The following TRHDE variants were observed in gnomAD, a reference collection of about 807,000 sequenced individuals.
The protein encoded by TRHDE is thyrotropin-releasing hormone-degrading ectoenzyme.
Under a neutral mutation model 125.7 loss-of-function variants are expected in TRHDE, and 72 were observed. The observed-to-expected ratio is 0.57, with a 90% CI of 0.47 to 0.70. The LOEUF (loss-of-function observed/expected upper bound fraction) is 0.70. Among genes scored for constraint, TRHDE ranks in the 30% least tolerant of loss-of-function variants. The pLI, the probability that TRHDE is intolerant of heterozygous loss-of-function variation, is 0.00. For missense variants in TRHDE, 1,110 were observed against 1,327.1 expected (o/e 0.84, Z 2.54); for synonymous variants, 509 against 509.1 (o/e 1.00, Z 0.00).
At chr12:72,227,535 C>T (rs948173558) in intron 2 of TRHDE, among the ~76,000 whole-genome samples, 1 of 152,186 alleles carries the variant, frequency 6.6e-6, no homozygotes, top group Non-Finnish European at 1.5e-5. Context: ...TATGGGGGGA[C>T]ACAGCCAAAC....
chr12:72,413,635 G>A (rs1003998341), intron 3 of TRHDE, among the ~76,000 whole-genome samples: 6 of 151,770 alleles, frequency 4.0e-5, no homozygotes, highest in South Asian at 2.1e-4. Flanking sequence ...AGATAAAAAC[G>A]AGTCCCAAAT....
rs970120680 is a variant in TRHDE at position 72,273,045 on chromosome 12, C to T, written c.402C>T (p.Asn134=). Residue 134 remains asparagine, a synonymous_variant, in exon 1 of 19, where the codon AAC becomes AAT. Coordinates refer to ENST00000261180, the MANE Select transcript of TRHDE (RefSeq NM_013381.3). This position sits in a 1 kb window ranked among gnomAD's most constrained non-coding sequence, Gnocchi z 5.3. The part of the protein sequence containing the change: ...GPSGFPERGG[N]GSLPGSARRN... ...CAGGCTTTCCGGAGCGCGGCGGCAA[C>T]GGGAGCCTCCCTGGATCGGCCCGGC... 1.3e-6 allele frequency: 2 copies of T among 1,536,780 alleles called. No individual in the cohort carries two copies.
intron 3 of TRHDE, among the ~76,000 whole-genome samples, chr12:72,415,624 G>A (rs1873700046): frequency 6.7e-6 from 1 of 149,426 alleles, no homozygotes; most frequent in Non-Finnish European, 1.5e-5. Flanking sequence ...TCCCACATAT[G>A]AGTGAGAACA....
chr12:72,224,158 G>GTATCTATC (rs1162467537), intron 2 of TRHDE, among the ~76,000 whole-genome samples: 46 of 24,666 alleles, frequency 1.9e-3, no homozygotes, highest in African/African-American at 5.8e-3. Flanking sequence ...ATGTATGTAT[G>GTATCTATC]TATGTATGTA....
chr12:72,413,066 A>T (rs1873579036), intron 3 of TRHDE, among the ~76,000 whole-genome samples: 1 of 152,022 alleles, frequency 6.6e-6, no homozygotes. Flanking sequence ...ACATATCATT[A>T]TTTTTAAGAT....
At chr12:72,655,347 C>T (rs140188790) in intron 17 of TRHDE, among the ~76,000 whole-genome samples, 2 of 152,282 alleles carry the variant, frequency 1.3e-5, no homozygotes, top group East Asian at 3.9e-4. Context: ...GTGCTGGGAT[C>T]ACAGGCGTGA....
intron 5 of TRHDE, among the ~76,000 whole-genome samples, chr12:72,495,186 AT>A (rs367842494): frequency 3.3e-5 from 5 of 149,716 alleles, no homozygotes; most frequent in African/African-American, 7.4e-5. Flanking sequence ...CATTGGTTGA[AT>A]TTTTTTCATT....
rs1156787815 is a variant in TRHDE at position 72,653,036 on chromosome 12, A to G, written c.2864A>G (p.Asn955Ser). ...LLNRLLNLSL[N>S]SEVVLDQDAI... is the part of the protein sequence containing the mutation. ...TGAAGGCTTCTAAATCTGTCACTGAATTCTGAGGTGGTGCTGGATCAAGAT... is the reference window on the plus strand; with the variant it reads ...TGAAGGCTTCTAAATCTGTCACTGAGTTCTGAGGTGGTGCTGGATCAAGAT... The change falls in exon 17 of 19, where the codon AAT becomes AGT. Residue 955 changes from asparagine (N) to serine (S), a missense_variant. By Grantham distance (46) the Asn-to-Ser change is conservative. This residue lies in a region of TRHDE where 527 missense variants were observed against 651.8 expected (regional missense o/e 0.81). Coordinates refer to ENST00000261180, the MANE Select transcript of TRHDE (RefSeq NM_013381.3). The G allele has an allele frequency of 6.2e-7, 1 of 1,607,134 alleles. No homozygotes were observed. The highest frequency in any genetic ancestry group is 2.2e-5 in the East Asian group (1 of 44,462).
upstream of TRHDE, chr12:72,271,922 C>A (rs1403094012): frequency 2.6e-5 from 12 of 456,478 alleles, 1 homozygote; most frequent in Admixed American, 2.1e-4. Context: ...GGTCTGCAAC[C>A]TCCTGCCGTT....
chr12:72,547,877 T>G (rs1017019965), intron 7 of TRHDE, among the ~76,000 whole-genome samples: 3 of 151,872 alleles, frequency 2.0e-5, no homozygotes, highest in African/African-American at 7.2e-5. Flanking sequence ...GCACAGAAGC[T>G]CAAGTTACAC....
intron 1 of TRHDE, among the ~76,000 whole-genome samples, chr12:72,096,920 T>C (rs901734846): frequency 6.6e-6 from 1 of 152,186 alleles, no homozygotes; most frequent in Non-Finnish European, 1.5e-5. Flanking sequence ...CTAGCTCACA[T>C]CTTCTCCACT....
intron 2 of TRHDE, among the ~76,000 whole-genome samples, chr12:72,244,153 T>C (rs958123277): frequency 4.6e-5 from 7 of 152,194 alleles, no homozygotes; most frequent in African/African-American, 1.7e-4. Flanking sequence ...TGCACATTGG[T>C]GTATAGATTT....
intron 3 of TRHDE, among the ~76,000 whole-genome samples, chr12:72,456,729 G>C (rs1875873761): frequency 6.6e-6 from 1 of 151,990 alleles, no homozygotes; most frequent in Admixed American, 6.6e-5. Context: ...TTCCCGTTAT[G>C]GGTGCAAAGT....
At chr12:72,425,136 G>A (rs1331866426) in intron 3 of TRHDE, among the ~76,000 whole-genome samples, 1 of 152,064 alleles carries the variant, frequency 6.6e-6, no homozygotes, top group African/African-American at 2.4e-5. Flanking sequence ...TATGCATTTT[G>A]TTGTTGTTGT....
At chr12:72,584,725 G>C (rs1044726068) in intron 12 of TRHDE, among the ~76,000 whole-genome samples, 1 of 152,110 alleles carries the variant, frequency 6.6e-6, no homozygotes, top group African/African-American at 2.4e-5. Context: ...TCACAAATGA[G>C]AGGATTTCCT....
intron 12 of TRHDE, among the ~76,000 whole-genome samples, chr12:72,598,241 G>T (rs961340787): frequency 6.6e-6 from 1 of 152,028 alleles, no homozygotes; most frequent in Non-Finnish European, 1.5e-5. Context: ...ATTCATATTT[G>T]ATTGCCTAAC....
intron 15 of TRHDE, among the ~76,000 whole-genome samples, chr12:72,650,931 T>C (rs1181822276): frequency 6.6e-6 from 1 of 152,122 alleles, no homozygotes; most frequent in Non-Finnish European, 1.5e-5. Flanking sequence ...AAGCTGGTCA[T>C]AAACACAGCA....
rs1183469483 is a variant in TRHDE, at chr12:72,597,732, T to C, written c.2322-21159T>C. Among the ~76,000 whole-genome samples the C allele has an allele frequency of 3.7e-3, 28 of 7,626 alleles. 1 individual carries two copies. Among genetic ancestry groups the C allele is most frequent in the African/African-American group, 8.7e-3 (25 of 2,884 alleles). The allele number at this position is 7,626 out of a possible 152,430, so 5.0% of individuals were successfully genotyped here. On this transcript the variant is annotated intron_variant, in intron 12 of 18. Coordinates refer to ENST00000261180, the MANE Select transcript of TRHDE (RefSeq NM_013381.3). ...GTGTATGTATATATATATATATATA[T>C]ATATATATATATATATATATATATA...
rs1038727739 is a variant in TRHDE at position 72,619,141 on chromosome 12, C to T, written c.2469+103C>T. 2.0e-5 allele frequency: 19 copies of T among 929,580 alleles called. No individual in the cohort carries two copies. The African/African-American group carries it at 3.1e-4, about 15-fold the overall frequency. The allele number at this position is 929,580 out of a possible 1,614,324, so 57.6% of individuals were successfully genotyped here. A position where few individuals can be genotyped will look rare whatever the true frequency, so the allele number is the denominator to read the frequency against. On this transcript the variant is annotated intron_variant, in intron 13 of 18. Coordinates refer to ENST00000261180, the MANE Select transcript of TRHDE (RefSeq NM_013381.3). ...TGATGCCAAGTTATTTTAGTTTGTT[C>T]TTCTAGTTTGTGTTATCCCGATTTT...
Sources: allele counts gnomAD v4.1 joint callset (sites outside exome capture counted in the v4.1 genomes callset), GRCh38; gene constraint gnomAD v4.1.1; regional missense constraint gnomAD v4.1.1; non-coding constraint Gnocchi (gnomAD v3.1); transcripts MANE v1.5; gene names NCBI Gene and HGNC (gene_info 2026-07-23, HGNC 2026-07-21).